Variants in PPHLN1 observed in about 807,000 individuals in gnomAD.
PPHLN1 encodes the protein periphilin 1.
Under a neutral mutation model 51.3 loss-of-function variants are expected in PPHLN1, and 29 were observed. That is an observed-to-expected ratio of 0.57 (90% CI 0.42 to 0.77). The LOEUF (loss-of-function observed/expected upper bound fraction) is 0.77. Ranked by LOEUF, PPHLN1 falls within the 30% of genes least tolerant of loss-of-function variation. The probability of loss-of-function intolerance (pLI) is 0.00; values close to 1 mark genes in which losing one functional copy is unlikely to be tolerated. For synonymous variants in PPHLN1, 147 were observed against 147.8 expected, an observed-to-expected ratio of 0.99 and a Z score of 0.04; for missense variants, 436 against 438.4, an observed-to-expected ratio of 0.99 and a Z score of 0.05.
At chr12:42,418,211 CTTTT>C (rs60029170) in intron 9 of PPHLN1, among the ~76,000 whole-genome samples, 28 of 98,356 alleles carry the variant, frequency 2.8e-4, no homozygotes, top group African/African-American at 1.2e-3. Flanking sequence ...TCCCGGCCCT[CTTTT>C]TTTTTTTTTT....
downstream of PPHLN1, chr12:42,448,364 T>TC (rs1187211025): frequency 6.6e-6 from 1 of 152,388 alleles, no homozygotes; most frequent in African/African-American, 2.4e-5. Context: ...TTTGATTTTT[T>TC]TTTTTTTTTT....
downstream of PPHLN1, chr12:42,445,294 A>G (rs1352100088): frequency 3.4e-6 from 2 of 585,100 alleles, no homozygotes; most frequent in East Asian, 5.8e-5. Context: ...AACTTAACTA[A>G]ACAATGTCAA....
At chr12:42,406,713 G>C (rs2079348642) in intron 9 of PPHLN1, among the ~76,000 whole-genome samples, 1 of 151,634 alleles carries the variant, frequency 6.6e-6, no homozygotes, top group Non-Finnish European at 1.5e-5. Context: ...CCATTTTGTG[G>C]CATTCTTTTG....
In PPHLN1 at chr12:42,396,729, G is replaced by A. The variant is rs149228246; in HGVS notation, c.769-2125G>A. On this transcript the variant is annotated intron_variant, in intron 8 of 9. Coordinates refer to ENST00000358314, the MANE Select transcript of PPHLN1 (RefSeq NM_201439.2). ...CACTTGAGCCCAGGAATTGAAGTTTGCAGTGAGCTGTGATCACACCATGGC... is the reference window on the plus strand; with the variant it reads ...CACTTGAGCCCAGGAATTGAAGTTTACAGTGAGCTGTGATCACACCATGGC... 5.1e-3 allele frequency among the ~76,000 whole-genome samples: 760 copies of A among 149,772 alleles called. 5 individuals are homozygous for A. The highest frequency in any genetic ancestry group is 0.039 in the Middle Eastern group (11 of 284).
intron 1 of PPHLN1, among the ~76,000 whole-genome samples, chr12:42,329,174 T>G (rs113124036): frequency 0.01 from 1,554 of 151,412 alleles, 23 homozygotes; most frequent in African/African-American, 0.036. Flanking sequence ...CGATCTTGGC[T>G]CACTGCAAGC....
At chr12:42,370,460 T>C (rs1374220638) in intron 4 of PPHLN1, among the ~76,000 whole-genome samples, 1 of 152,246 alleles carries the variant, frequency 6.6e-6, no homozygotes, top group African/African-American at 2.4e-5. Context: ...AACTCTGTTG[T>C]ATTTTATTTT....
At chr12:42,333,525 C>G (rs2137735923) in intron 1 of PPHLN1, among the ~76,000 whole-genome samples, 1 of 151,182 alleles carries the variant, frequency 6.6e-6, no homozygotes, top group East Asian at 1.9e-4. Flanking sequence ...CTCTGTTGCC[C>G]AGGCTGGAGT....
chr12:42,418,573 C>T (rs1335216944), intron 9 of PPHLN1, among the ~76,000 whole-genome samples: 1 of 151,768 alleles, frequency 6.6e-6, no homozygotes, highest in Non-Finnish European at 1.5e-5. Context: ...GTCATAGTGG[C>T]CTCCTCTCTA....
At chr12:42,376,219 C>A (rs1171911792) in intron 5 of PPHLN1, among the ~76,000 whole-genome samples, 1 of 152,136 alleles carries the variant, frequency 6.6e-6, no homozygotes, top group Admixed American at 6.5e-5. Flanking sequence ...AGGATATTTC[C>A]TTTTCAACGT....
At chr12:42,420,323 C>CTT (rs35538932) in intron 9 of PPHLN1, among the ~76,000 whole-genome samples, 42 of 149,666 alleles carry the variant, frequency 2.8e-4, no homozygotes, top group Middle Eastern at 6.8e-3. Flanking sequence ...TGTGTGTATA[C>CTT]TTTTTTTTTT....
chr12:42,337,997 C>G (rs1329588136), intron 2 of PPHLN1, among the ~76,000 whole-genome samples: 1 of 151,446 alleles, frequency 6.6e-6, no homozygotes, highest in African/African-American at 2.4e-5. Flanking sequence ...TTGGCCAGGC[C>G]GGTCTCGAAT....
intron 9 of PPHLN1, among the ~76,000 whole-genome samples, chr12:42,418,338 ACT>A (rs2139649774): frequency 6.7e-6 from 1 of 150,020 alleles, no homozygotes; most frequent in African/African-American, 2.5e-5. Flanking sequence ...ATATTTTGAA[ACT>A]CAGCCTCCGT....
chr12:42,330,039 G>T, intron 1 of PPHLN1: 1 of 152,156 alleles, frequency 6.6e-6, no homozygotes, highest in Non-Finnish European at 1.5e-5. Context: ...GCAAGAAAAC[G>T]TGAGCAAAGG....
At chr12:42,333,048 C>CTGTTGCATTCTCTTGT (rs1356772404) in intron 1 of PPHLN1, among the ~76,000 whole-genome samples, 2 of 152,128 alleles carry the variant, frequency 1.3e-5, no homozygotes, top group African/African-American at 4.8e-5. Context: ...GAGGCAATTG[C>CTGTTGCATTCTCTTGT]TGTTGCATTC....
intron 2 of PPHLN1, among the ~76,000 whole-genome samples, chr12:42,349,372 G>A (rs1280968565): frequency 2.7e-5 from 4 of 148,954 alleles, no homozygotes; most frequent in African/African-American, 1.0e-4. Flanking sequence ...AGCTCTGAAG[G>A]TTGGGCTTTA....
At chr12:42,422,830 C>T (rs2081120939) in intron 9 of PPHLN1, among the ~76,000 whole-genome samples, 1 of 152,182 alleles carries the variant, frequency 6.6e-6, no homozygotes, top group Non-Finnish European at 1.5e-5. Context: ...TATTTGCAAA[C>T]AAAACATTAA....
chr12:42,373,902 T>C (rs550665856), intron 4 of PPHLN1, among the ~76,000 whole-genome samples: 2 of 152,306 alleles, frequency 1.3e-5, no homozygotes, highest in East Asian at 1.9e-4. Flanking sequence ...TAGCAGGGTT[T>C]CTCAGTGTTG....
chr12:42,349,509 CAT>C (rs1242824043), intron 2 of PPHLN1, among the ~76,000 whole-genome samples: 2 of 152,074 alleles, frequency 1.3e-5, no homozygotes, highest in African/African-American at 2.4e-5. Context: ...AGCAGATAAA[CAT>C]GTGAACAAAG....
At position 42,405,577 on chromosome 12, in the gene PPHLN1, T is replaced by C. The variant is rs1215361718; in HGVS notation, c.909+6583T>C. On this transcript the variant is annotated intron_variant, in intron 9 of 9. Transcript: ENST00000358314. ...CTTTCCTTACTCTTCCTCTTTCTTT[T>C]TGCATTTTTTATGTTTTTGGGGTTT... 2.6e-5 allele frequency among the ~76,000 whole-genome samples: 4 copies of C among 151,756 alleles called. No homozygotes were observed. The East Asian group carries it at 5.8e-4, about 22-fold the overall frequency.
Sources: gnomAD v4.1 joint callset for allele counts (sites outside exome capture counted in the v4.1 genomes callset) on GRCh38, gnomAD v4.1.1 for gene constraint, MANE v1.5 for transcripts, NCBI Gene and HGNC (gene_info 2026-07-23, HGNC 2026-07-21) for gene names.